Variants in EED observed in about 807,000 individuals in gnomAD.
EED encodes polycomb protein EED.
In EED, 9 loss-of-function variants were observed where a neutral mutation model predicts 61.0. That is an observed-to-expected ratio of 0.15 (90% CI 0.09 to 0.26). The LOEUF is 0.26. Ranked by LOEUF, EED falls within the 10% of genes least tolerant of loss-of-function variation. The probability of loss-of-function intolerance (pLI) is 1.00; values close to 1 mark genes in which losing one functional copy is unlikely to be tolerated. For synonymous variants in EED, 187 were observed against 174.4 expected, an observed-to-expected ratio of 1.07 and a Z score of -0.57; for missense variants, 315 against 542.3, an observed-to-expected ratio of 0.58 and a Z score of 4.16.
intron 1 of EED, among the ~76,000 whole-genome samples, chr11:86,246,504 C>T (rs527442501): frequency 2.6e-5 from 4 of 152,160 alleles, no homozygotes; most frequent in African/African-American, 9.6e-5. Flanking sequence ...AAGATTTTCA[C>T]GGAAAAGATG....
chr11:86,270,178 T>G (rs753350568), intron 9 of EED: 39 of 700,106 alleles, frequency 5.6e-5, no homozygotes, highest in Non-Finnish European at 7.8e-5. Context: ...TATTTTTTAT[T>G]TTAGCTGTTC....
At chr11:86,253,769 C>T (rs550172882) in intron 3 of EED, among the ~76,000 whole-genome samples, 17 of 152,018 alleles carry the variant, frequency 1.1e-4, no homozygotes, top group African/African-American at 3.9e-4. Context: ...AAAATGGGGC[C>T]GGGCACAGTG....
intron 1 of EED, among the ~76,000 whole-genome samples, chr11:86,245,600 T>C (rs1364901145): frequency 6.6e-6 from 1 of 151,646 alleles, no homozygotes; most frequent in Non-Finnish European, 1.5e-5. Context: ...TCAGTTTGCA[T>C]GTGATGGGGA....
chr11:86,259,117 A>G (rs569910038), intron 6 of EED, among the ~76,000 whole-genome samples: 3 of 149,578 alleles, frequency 2.0e-5, no homozygotes, highest in East Asian at 4.0e-4. Context: ...GTCCACCCGC[A>G]TCGGCCTCCC....
Position 86,277,977 on chromosome 11 carries a change from T to A in EED, c.1185T>A (p.Asp395Glu), listed in dbSNP as rs763742808. 1 of 1,543,000 alleles carries A rather than the reference T, an allele frequency of 6.5e-7. No individual in the cohort carries two copies. Among genetic ancestry groups the A allele is most frequent in the African/African-American group, 1.4e-5 (1 of 70,302 alleles). Residue 395 changes from aspartate (D) to glutamate (E), a missense_variant, in exon 11 of 12, where the codon GAT (aspartate) becomes GAA (glutamate). Transcript: ENST00000263360. Reference sequence around the variant, plus strand: ...ATGTTTGGGATTTAGAAGTAGAAGATCCTCATAAAGCCAAGTAAGTATTTA... The same window carrying A: ...ATGTTTGGGATTTAGAAGTAGAAGAACCTCATAAAGCCAAGTAAGTATTTA... ...KLYVWDLEVE[D>E]PHKAKCTTLT...
intron 6 of EED, among the ~76,000 whole-genome samples, chr11:86,261,857 G>A (rs935790704): frequency 6.6e-6 from 1 of 152,192 alleles, no homozygotes; most frequent in Non-Finnish European, 1.5e-5. Context: ...GAATGTAGAG[G>A]TCCCATGGGT....
intron 9 of EED, among the ~76,000 whole-genome samples, chr11:86,274,228 A>G (rs1946180319): frequency 6.6e-6 from 1 of 150,878 alleles, no homozygotes; most frequent in Non-Finnish European, 1.5e-5. Flanking sequence ...ATAATAGTAT[A>G]TTTTAGTTAT....
intron 6 of EED, among the ~76,000 whole-genome samples, chr11:86,262,797 A>G (rs999896617): frequency 6.9e-6 from 1 of 145,732 alleles, no homozygotes; most frequent in African/African-American, 2.5e-5. Flanking sequence ...GGCATGAGCT[A>G]CCACACCTGG....
chr11:86,253,267 AT>A (rs1288227403), intron 3 of EED, among the ~76,000 whole-genome samples: 1 of 152,238 alleles, frequency 6.6e-6, no homozygotes, highest in Non-Finnish European at 1.5e-5. Flanking sequence ...GAAAACAACA[AT>A]TCAGAGGAAA....
intron 8 of EED, among the ~76,000 whole-genome samples, chr11:86,266,730 G>A (rs1331954328): frequency 6.6e-6 from 1 of 152,000 alleles, no homozygotes; most frequent in Non-Finnish European, 1.5e-5. Flanking sequence ...CTCACTTCAT[G>A]GTACTATAGG....
intron 3 of EED, among the ~76,000 whole-genome samples, chr11:86,252,514 CTT>C (rs369772003): frequency 1.9e-4 from 26 of 138,162 alleles, no homozygotes; most frequent in East Asian, 2.1e-4. Context: ...AATTGGCGTC[CTT>C]TTTTTTTTTT....
chr11:86,245,417 G>C, intron 1 of EED, 74 bp downstream of exon 1: 1 of 1,244,486 alleles, frequency 8.0e-7, no homozygotes, highest in Non-Finnish European at 1.1e-6. Context: ...GGGGCGCGGG[G>C]ACGAGCGGGC....
chr11:86,254,386 T>C (rs1385805833), intron 3 of EED, among the ~76,000 whole-genome samples: 2 of 150,748 alleles, frequency 1.3e-5, no homozygotes, highest in African/African-American at 2.4e-5. Context: ...AGTGGTGCAA[T>C]CTTGGCTCAC....
chr11:86,277,236 A>G (rs1946254627), intron 10 of EED, 98 bp downstream of exon 10: 2 of 1,145,594 alleles, frequency 1.7e-6, no homozygotes, highest in African/African-American at 1.5e-5. Context: ...TTCCTTTACA[A>G]ATCTACCCTG....
chr11:86,246,539 A>T (rs1448307104), intron 1 of EED, among the ~76,000 whole-genome samples: 4 of 152,198 alleles, frequency 2.6e-5, no homozygotes, highest in Non-Finnish European at 5.9e-5. Context: ...TTGCAGAGAC[A>T]AGATAGATAT....
the EED span, among the ~76,000 whole-genome samples, chr11:86,286,302 A>G: frequency 6.6e-6 from 1 of 152,088 alleles, no homozygotes; most frequent in African/African-American, 2.4e-5. Context: ...CAGCCTCCCA[A>G]AGTGCTGGGA....
At chr11:86,273,921 C>T (rs899313963) in intron 9 of EED, among the ~76,000 whole-genome samples, 2 of 152,086 alleles carry the variant, frequency 1.3e-5, no homozygotes, top group Non-Finnish European at 2.9e-5. Context: ...TTGGGTTTGT[C>T]TTGTTTGGGG....
chr11:86,278,061 G>A, intron 11 of EED, 70 bp downstream of exon 11: 19 of 1,407,330 alleles, frequency 1.4e-5, no homozygotes, highest in South Asian at 1.2e-4. Context: ...ATGTAGAGAA[G>A]ATCATTTATA....
chr11:86,276,696 C>T (rs1424191551), intron 9 of EED: 1 of 218,040 alleles, frequency 4.6e-6, no homozygotes, highest in African/African-American at 2.3e-5. Flanking sequence ...GTATCTAGAG[C>T]TGAACTTGGT....
Sources: allele counts gnomAD v4.1 joint callset (sites outside exome capture counted in the v4.1 genomes callset), GRCh38; gene constraint gnomAD v4.1.1; transcripts MANE v1.5; gene names NCBI Gene and HGNC (gene_info 2026-07-23, HGNC 2026-07-21).